Variants in LDHB observed in about 807,000 individuals in gnomAD.
The protein encoded by LDHB is lactate dehydrogenase B, also known as L-lactate dehydrogenase B chain.
LDHB carries 18 observed loss-of-function variants against 33.4 expected under a neutral mutation model. The observed-to-expected ratio is 0.54, with a 90% confidence interval of 0.37 to 0.80. The LOEUF is 0.80. LDHB is among the 30% of genes least tolerant of loss of function. The pLI is 0.00. For synonymous variants in LDHB, 121 were observed against 140.6 expected (o/e 0.86, Z 0.98); for missense variants, 345 against 407.9 (o/e 0.85, Z 1.33).
At chr12:21,641,572 C>A (rs1221903017) in intron 5 of LDHB, among the ~76,000 whole-genome samples, 2 of 152,134 alleles carry the variant, frequency 1.3e-5, no homozygotes, top group Non-Finnish European at 2.9e-5. Flanking sequence ...ACTATTGAGA[C>A]AGTTGATAAC....
chr12:21,642,263 C>CT (rs1180736699), intron 4 of LDHB, 138 bp from the exon 5 acceptor site: 27 of 659,226 alleles, frequency 4.1e-5, no homozygotes, highest in Middle Eastern at 3.4e-4. Flanking sequence ...AAAGTAAATA[C>CT]TTTAACTTTT....
chr12:21,648,836 G>A (rs942342024), intron 2 of LDHB, among the ~76,000 whole-genome samples: 1 of 152,184 alleles, frequency 6.6e-6, no homozygotes, highest in African/African-American at 2.4e-5. Context: ...GAAGCTTCCC[G>A]ATGACTGAAT....
At chr12:21,648,039 A>G (rs75639525) in intron 2 of LDHB, among the ~76,000 whole-genome samples, 1 of 1,722 alleles carries the variant, frequency 5.8e-4, no homozygotes, top group African/African-American at 7.0e-4. Flanking sequence ...GAAAGAAAGG[A>G]AAAAAAAAAG....
intron 4 of LDHB, among the ~76,000 whole-genome samples, chr12:21,643,227 A>G (rs1421843145): frequency 6.6e-6 from 1 of 152,220 alleles, no homozygotes; most frequent in Admixed American, 6.5e-5. Flanking sequence ...TGTGAGAGAT[A>G]ATCAGTCCAG....
chr12:21,637,973 T>C (rs967912151), intron 6 of LDHB, among the ~76,000 whole-genome samples: 4 of 152,056 alleles, frequency 2.6e-5, no homozygotes, highest in Non-Finnish European at 4.4e-5. Context: ...TATTAAAACT[T>C]AAACACTGTT....
At chr12:21,638,871 G>GA (rs1018437973) in intron 5 of LDHB, among the ~76,000 whole-genome samples, 33 of 151,466 alleles carry the variant, frequency 2.2e-4, no homozygotes, top group African/African-American at 6.3e-4. Flanking sequence ...CTACAGTAAA[G>GA]AAAAAAAATC....
chr12:21,648,597 G>A (rs554740841), intron 2 of LDHB, among the ~76,000 whole-genome samples: 4 of 152,192 alleles, frequency 2.6e-5, no homozygotes, highest in African/African-American at 7.2e-5. Context: ...AGAATAAGGT[G>A]GAATAAGGTG....
At position 21,635,580 on chromosome 12, in the gene LDHB, T is replaced by C. The variant is rs1380750650; in HGVS notation, c.967A>G (p.Thr323Ala). 6.2e-7 allele frequency: 1 copy of C among 1,612,598 alleles called. No individual in the cohort carries two copies. ...EVAQLKKSADTLWDIQKDLKD... is the reference protein window; with the variant it reads ...EVAQLKKSADALWDIQKDLKD... ...AGGTCCTTCTGGATGTCCCACAGGGTATCTGCACTTTTCTTGAGCTGAGCA... is the reference window on the plus strand; with the variant it reads ...AGGTCCTTCTGGATGTCCCACAGGGCATCTGCACTTTTCTTGAGCTGAGCA... Residue 323 changes from threonine (T) to alanine (A), a missense_variant, in exon 8 of 8, where the codon ACC (threonine) becomes GCC (alanine). Coordinates refer to ENST00000350669, the MANE Select transcript of LDHB (RefSeq NM_002300.8).
intron 4 of LDHB, 126 bp from the exon 5 acceptor site, chr12:21,642,251 TTAAAG>T (rs1480653432): frequency 8.7e-6 from 6 of 688,720 alleles, no homozygotes; most frequent in Admixed American, 4.9e-5. Flanking sequence ...GCCAGAAAGA[TTAAAG>T]TAAATACTTT....
At position 21,637,148 on chromosome 12, in the gene LDHB, CA is replaced by C. The variant is rs763889629; in HGVS notation, c.759del (p.Ile253MetfsTer3). 6.2e-7 allele frequency: 1 copy of C among 1,603,474 alleles called. No homozygotes were observed. Among genetic ancestry groups the C allele is most frequent in the South Asian group, 1.1e-5 (1 of 90,864 alleles). The part of the protein sequence containing the change: ...IKLKGYTNWA[I>X]GLSVADLIES... Reference sequence around the variant, plus strand: ...TCAATAAGATCAGCCACACTTAATCCAATAGCCCAGTTGGTATATCCTTTTA... The same window carrying C: ...TCAATAAGATCAGCCACACTTAATCCATAGCCCAGTTGGTATATCCTTTTA... On this transcript the variant is annotated frameshift_variant, in exon 7 of 8. Transcript: ENST00000350669. LOFTEE classifies it high-confidence loss of function.
chr12:21,655,400 T>C (rs1209804329), intron 1 of LDHB, among the ~76,000 whole-genome samples: 1 of 152,228 alleles, frequency 6.6e-6, no homozygotes, highest in Non-Finnish European at 1.5e-5. Flanking sequence ...AAAGAATAAA[T>C]GGCCAATTAT....
chr12:21,637,892 C>G (rs537352071), intron 6 of LDHB, among the ~76,000 whole-genome samples: 104 of 39,564 alleles, frequency 2.6e-3, no homozygotes, highest in African/African-American at 5.4e-3. Flanking sequence ...ACATATAGTT[C>G]AAATTCCTGA....
At chr12:21,645,575 C>T (rs958690525) in intron 3 of LDHB, among the ~76,000 whole-genome samples, 8 of 152,200 alleles carry the variant, frequency 5.3e-5, no homozygotes, top group African/African-American at 1.9e-4. Context: ...GGCAGCAATA[C>T]TGCCCTTTAA....
At position 21,642,102 on chromosome 12, in the gene LDHB, A is replaced by G; in HGVS notation, c.445T>C (p.Trp149Arg). ...NPVDILTYVT[W>R]KLSGLPKHRV... Reference sequence around the variant, plus strand: ...TGTTTGGGTAATCCACTTAGTTTCCAGGTAACATACGTAAGAATGTCCACT... The same window carrying G: ...TGTTTGGGTAATCCACTTAGTTTCCGGGTAACATACGTAAGAATGTCCACT... Residue 149 changes from tryptophan (W) to arginine (R), a missense_variant, in exon 5 of 8, where the codon TGG (tryptophan) becomes CGG (arginine). Physicochemically the swap from Trp to Arg is moderately radical, Grantham distance 101. Transcript: ENST00000350669. 6.2e-7 allele frequency: 1 copy of G among 1,613,336 alleles called. No individual in the cohort carries two copies.
intron 2 of LDHB, 128 bp from the exon 3 acceptor site, chr12:21,647,144 A>G: frequency 1.2e-5 from 8 of 657,874 alleles, no homozygotes. Flanking sequence ...GAATTTTACC[A>G]TGGAGTTAGA....
At chr12:21,642,813 C>A (rs929622053) in intron 4 of LDHB, among the ~76,000 whole-genome samples, 1 of 152,092 alleles carries the variant, frequency 6.6e-6, no homozygotes, top group African/African-American at 2.4e-5. Context: ...GCCTCCACCC[C>A]CACACTAATC....
chr12:21,654,279 T>G, intron 2 of LDHB: 1 of 448,660 alleles, frequency 2.2e-6, no homozygotes, highest in Non-Finnish European at 4.1e-6. Context: ...TTTTAAATGT[T>G]AATAGTGTAT....
intron 2 of LDHB, among the ~76,000 whole-genome samples, chr12:21,647,528 A>C (rs536441610): frequency 1.2e-4 from 18 of 152,206 alleles, no homozygotes; most frequent in Non-Finnish European, 2.5e-4. Context: ...AGAGGAATCT[A>C]GGATTGGGAG....
At chr12:21,637,323 G>A (rs2136960274) in intron 6 of LDHB, 129 bp from the exon 7 acceptor site, 1 of 719,088 alleles carries the variant, frequency 1.4e-6, no homozygotes, top group East Asian at 2.6e-5. Context: ...TTGCCTTAGT[G>A]TTCCCTTTTT....
Sources: allele counts gnomAD v4.1 joint callset (sites outside exome capture counted in the v4.1 genomes callset), GRCh38; gene constraint gnomAD v4.1.1; transcripts MANE v1.5; gene names NCBI Gene and HGNC (gene_info 2026-07-23, HGNC 2026-07-21).